Variants in GSN observed in about 807,000 individuals in gnomAD.
GSN encodes the protein gelsolin, also known as actin-depolymerizing factor.
A neutral mutation model predicts 85.7 loss-of-function variants in GSN; 56 were observed. The observed-to-expected ratio is 0.65, with a 90% CI of 0.53 to 0.82. The LOEUF is 0.82. Among genes scored for constraint, GSN ranks in the 40% least tolerant of loss-of-function variants. The pLI is 0.00. For synonymous variants in GSN, 373 were observed against 399.1 expected (o/e 0.93, Z 0.78); for missense variants, 857 against 979.8 (o/e 0.87, Z 1.67).
upstream of GSN, chr9:121,265,735 A>G (rs2132292678): frequency 6.6e-6 from 1 of 152,360 alleles, no homozygotes; most frequent in Middle Eastern, 3.4e-3. Context: ...GATCCTTATC[A>G]GCAAGACATT....
chr9:121,254,312 G>C lies in GSN; in HGVS notation c.-341+5989G>C, dbSNP rs116511145. Among the ~76,000 whole-genome samples the C allele has an allele frequency of 1.9e-3, 286 of 152,238 alleles. 3 individuals carry two copies. The highest frequency in any genetic ancestry group is 6.4e-3 in the African/African-American group (267 of 41,522). ...GCTACATGCGTAATAGCAAGACTTG[G>C]CTTCCCGTGAAACAAGATCACCTGC... On this transcript the variant is annotated intron_variant, in intron 6 of 24. Transcript: ENST00000373823.
At chr9:121,312,273 A>G in intron 5 of GSN, 66 bp from the exon 6 acceptor site, 1 of 1,577,584 alleles carries the variant, frequency 6.3e-7, no homozygotes, top group Middle Eastern at 1.7e-4. Flanking sequence ...ACACTCCCCA[A>G]GCCCTGTCGC....
Position 121,318,325 on chromosome 9 carries a change from C to G in GSN, c.887-81C>G. On this transcript the variant is annotated intron_variant, in intron 8 of 17. Coordinates refer to ENST00000432226, the MANE Select transcript of GSN (RefSeq NM_198252.3). The surrounding 1 kb of genome is among the most constrained non-coding windows in gnomAD (Gnocchi z 4.3). ...AGTAGGGAGGGAAGTTTGGCAGCTCCTTCTCCTGGACTGTTAAAGGTCAGG... is the reference window on the plus strand; with the variant it reads ...AGTAGGGAGGGAAGTTTGGCAGCTCGTTCTCCTGGACTGTTAAAGGTCAGG... 8.7e-7 allele frequency: 1 copy of G among 1,155,790 alleles called. No homozygotes were observed. Among genetic ancestry groups the G allele is most frequent in the Non-Finnish European group, 1.3e-6 (1 of 762,262 alleles). 71.6% of individuals were successfully genotyped at this position (1,155,790 alleles called of 1,614,324 possible).
chr9:121,238,995 C>T, intron 5 of GSN: 1 of 517,332 alleles, frequency 1.9e-6, no homozygotes, highest in Non-Finnish European at 3.9e-6. Context: ...AAATCTCTCT[C>T]TTGTGTAGCT....
chr9:121,270,325 A>T (rs1275027158), intron 1 of GSN, among the ~76,000 whole-genome samples: 1 of 152,232 alleles, frequency 6.6e-6, no homozygotes, highest in Non-Finnish European at 1.5e-5. Flanking sequence ...AGTGATTTTT[A>T]AAAACTCGTT....
chr9:121,321,849 C>A (rs1408093907), intron 11 of GSN, among the ~76,000 whole-genome samples: 1 of 151,994 alleles, frequency 6.6e-6, no homozygotes, highest in African/African-American at 2.4e-5. Flanking sequence ...TCAAGCAATT[C>A]TCCTGCCTCA....
Position 121,222,016 on chromosome 9 carries a change from C to T in GSN, c.-527-9149C>T, listed in dbSNP as rs765099635. ...GCTGCTCACATCTGACCCCTCAACACTCTCTCCTCCCATCCCAAAGGACTG... is the reference window on the plus strand; with the variant it reads ...GCTGCTCACATCTGACCCCTCAACATTCTCTCCTCCCATCCCAAAGGACTG... On this transcript the variant is annotated intron_variant, in intron 4 of 24. Transcript: ENST00000373823. Among the ~76,000 whole-genome samples, 7 of 152,230 alleles carry T rather than the reference C, an allele frequency of 4.6e-5. No individual in the cohort carries two copies. In the South Asian group the frequency reaches 1.0e-3, roughly 22 times the overall value.
intron 12 of GSN, 79 bp downstream of exon 12, chr9:121,324,723 A>G: frequency 1.3e-6 from 1 of 740,812 alleles, no homozygotes; most frequent in South Asian, 1.5e-5. Flanking sequence ...ACTCTCATCC[A>G]TCCATTCGTT....
At chr9:121,303,385 G>A (rs903756850) in intron 4 of GSN, among the ~76,000 whole-genome samples, 1 of 152,174 alleles carries the variant, frequency 6.6e-6, no homozygotes, top group African/African-American at 2.4e-5. Context: ...CTTCTTGCAG[G>A]CCCTGGGGGG....
intron 6 of GSN, among the ~76,000 whole-genome samples, chr9:121,257,018 AAAG>A (rs570843955): frequency 1.1e-4 from 17 of 152,358 alleles, no homozygotes; most frequent in Middle Eastern, 3.4e-3. Context: ...CCAACACAAA[AAAG>A]AGAAATGTTT....
chr9:121,312,773 G>A (rs2061319810), intron 6 of GSN: 1 of 233,402 alleles, frequency 4.3e-6, no homozygotes, highest in East Asian at 9.8e-5. Flanking sequence ...GACCACAGGC[G>A]AGTGCTACCA....
chr9:121,238,933 A>G (rs2054549092), intron 5 of GSN: 5 of 537,042 alleles, frequency 9.3e-6, no homozygotes, highest in East Asian at 5.4e-5. Flanking sequence ...CCCTTCTCCA[A>G]TAGCAGACTT....
chr9:121,320,601 C>T (rs561283328), intron 10 of GSN, among the ~76,000 whole-genome samples: 6 of 150,434 alleles, frequency 4.0e-5, no homozygotes, highest in East Asian at 1.9e-4. Context: ...GCCGAGATTG[C>T]GTCATTGCAT....
intron 5 of GSN, among the ~76,000 whole-genome samples, chr9:121,232,504 G>A (rs530637980): frequency 5.3e-5 from 8 of 152,272 alleles, no homozygotes; most frequent in African/African-American, 1.9e-4. Context: ...AGGGATGAAC[G>A]TATCAGTTAA....
Position 121,274,543 on chromosome 9 carries a change from G to A in GSN, c.-103+6324G>A, listed in dbSNP as rs533562571. 1.8e-4 allele frequency among the ~76,000 whole-genome samples: 28 copies of A among 152,192 alleles called. 1 individual carries two copies. The South Asian group carries it at 5.4e-3, about 29-fold the overall frequency. ...AATTCAGTGACACTTGTGAAAACAC[G>A]GTAAGGAAGTCTTTATTCAGGAACA... On this transcript the variant is annotated intron_variant, in intron 1 of 17. Transcript: ENST00000432226.
intron 6 of GSN, among the ~76,000 whole-genome samples, chr9:121,253,986 C>T (rs947048565): frequency 1.3e-5 from 2 of 152,156 alleles, no homozygotes; most frequent in Non-Finnish European, 2.9e-5. Flanking sequence ...GAAAATTCTT[C>T]TTTCTCCTTT....
rs367801458 is a variant in GSN at position 121,327,304 on chromosome 9, C to T, written c.1588-4C>T. 1.5e-5 allele frequency: 25 copies of T among 1,612,936 alleles called. No individual in the cohort carries two copies. The highest frequency in any genetic ancestry group is 2.2e-5 in the East Asian group (1 of 44,884). On this transcript the variant is annotated splice_polypyrimidine_tract_variant and splice_region_variant and intron_variant, in intron 13 of 17. Coordinates refer to ENST00000432226, the MANE Select transcript of GSN (RefSeq NM_198252.3). ...TCCTGATTAACCAAGCTGTACCCTC[C>T]CAGGTATTGCCTAAGGCTGGTGCAC...
chr9:121,324,476 G>C, intron 11 of GSN, 78 bp from the exon 12 acceptor site: 2 of 751,004 alleles, frequency 2.7e-6, no homozygotes, highest in Non-Finnish European at 4.7e-6. Context: ...GAGATGTGTA[G>C]GTTTCTCAGA....
At chr9:121,237,288 G>T (rs1035872237) in intron 5 of GSN, among the ~76,000 whole-genome samples, 1 of 152,152 alleles carries the variant, frequency 6.6e-6, no homozygotes, top group African/African-American at 2.4e-5. Flanking sequence ...TAGGCTAGGG[G>T]TGATGTCTCA....
Sources: gnomAD v4.1 joint callset for allele counts (sites outside exome capture counted in the v4.1 genomes callset) on GRCh38, gnomAD v4.1.1 for gene constraint, Gnocchi (gnomAD v3.1) non-coding constraint, MANE v1.5 for transcripts, NCBI Gene and HGNC (gene_info 2026-07-23, HGNC 2026-07-21) for gene names.